Variants in ZNF248 observed in about 807,000 individuals in gnomAD.
ZNF248 encodes the protein KRAB protein domain.
Under a neutral mutation model 44.3 loss-of-function variants are expected in ZNF248, and 20 were observed. The ratio of observed to expected loss-of-function variants is 0.45; its 90% confidence interval spans 0.32 to 0.66. The LOEUF (loss-of-function observed/expected upper bound fraction) is 0.66, where lower values mean the gene tolerates loss of function less well. ZNF248 is among the 30% of genes least tolerant of loss of function. The pLI is 0.04. For missense variants in ZNF248, 654 were observed against 677.0 expected, an observed-to-expected ratio of 0.97 and a Z score of 0.38; for synonymous variants, 224 against 229.0, an observed-to-expected ratio of 0.98 and a Z score of 0.20.
At chr10:37,821,471 C>A (rs2053454465) in intron 6 of ZNF248, among the ~76,000 whole-genome samples, 1 of 152,168 alleles carries the variant, frequency 6.6e-6, no homozygotes, top group Non-Finnish European at 1.5e-5. Flanking sequence ...ACCCCTCAGT[C>A]CAGCTCTTAC....
chr10:37,779,777 G>C (rs1361045997), intron 6 of ZNF248, among the ~76,000 whole-genome samples: 1 of 149,472 alleles, frequency 6.7e-6, no homozygotes. Flanking sequence ...CATTGTCTCA[G>C]CCCAAAATCT....
chr10:37,833,141 T>C lies in ZNF248; in HGVS notation c.239-25A>G, dbSNP rs747362491. The C allele has an allele frequency of 2.6e-6, 4 of 1,556,050 alleles. No individual in the cohort carries two copies. In the Admixed American group the frequency reaches 6.1e-5, roughly 24 times the overall value. ...TCTAGAAATGAGAAAAATAACCACA[T>C]CTTATGAACCTTAATACATTTCTGA... On this transcript the variant is annotated intron_variant, in intron 5 of 5. Transcript: ENST00000395867.
chr10:37,778,048 C>T (rs2046807073), intron 6 of ZNF248, among the ~76,000 whole-genome samples: 1 of 152,084 alleles, frequency 6.6e-6, no homozygotes, highest in South Asian at 2.1e-4. Flanking sequence ...TGGGTATATA[C>T]CCAGTAATGG....
downstream of ZNF248, chr10:37,828,746 G>T: frequency 3.0e-6 from 3 of 985,302 alleles, no homozygotes; most frequent in Non-Finnish European, 3.6e-6. Flanking sequence ...ACAAGAAAGG[G>T]TGAATTAATC....
intron 6 of ZNF248, among the ~76,000 whole-genome samples, chr10:37,822,688 T>C (rs2053671166): frequency 6.6e-6 from 1 of 152,020 alleles, no homozygotes; most frequent in African/African-American, 2.4e-5. Context: ...TGGGCCACAA[T>C]GGAAGGAAGA....
chr10:37,771,134 G>A, the ZNF248 span, among the ~76,000 whole-genome samples: 1 of 152,224 alleles, frequency 6.6e-6, no homozygotes, highest in African/African-American at 2.4e-5. Flanking sequence ...AGGTGCTGGA[G>A]AAGATGTGGA....
At chr10:37,769,603 A>T in the ZNF248 span, among the ~76,000 whole-genome samples, 3 of 152,168 alleles carry the variant, frequency 2.0e-5, no homozygotes, top group African/African-American at 7.2e-5. Flanking sequence ...CAATAAATTA[A>T]GTATTGACGG....
intron 6 of ZNF248, among the ~76,000 whole-genome samples, chr10:37,789,390 A>T (rs2048251863): frequency 6.6e-6 from 1 of 152,156 alleles, no homozygotes; most frequent in Non-Finnish European, 1.5e-5. Context: ...TGTTAGGTGG[A>T]GAGGGCAAAC....
chr10:37,835,949 G>C (rs2057073317), intron 5 of ZNF248, among the ~76,000 whole-genome samples: 1 of 152,136 alleles, frequency 6.6e-6, no homozygotes, highest in Non-Finnish European at 1.5e-5. Flanking sequence ...CCAACTTCTG[G>C]TGTTCAAAAT....
chr10:37,805,843 A>G, intron 6 of ZNF248, among the ~76,000 whole-genome samples: 1 of 152,220 alleles, frequency 6.6e-6, no homozygotes, highest in East Asian at 1.9e-4. Context: ...ATATATAGAT[A>G]CACACACATA....
rs915483290 is a variant in ZNF248, at chr10:37,829,476, T to C, written c.*2139A>G. The C allele has an allele frequency of 1.6e-5, 16 of 985,214 alleles. No individual in the cohort carries two copies. The Admixed American group carries it at 3.1e-4, about 19-fold the overall frequency. The allele number at this position is 985,214 out of a possible 1,614,324, so 61.0% of individuals were successfully genotyped here. On this transcript the variant is annotated 3_prime_UTR_variant, in exon 6 of 6. Coordinates refer to ENST00000395867, the MANE Select transcript of ZNF248 (RefSeq NM_021045.3). ...ATAATTCTTCCCCCTAATTACCATATAGAACATTAACACTTAGAAAAATAT... is the reference window on the plus strand; with the variant it reads ...ATAATTCTTCCCCCTAATTACCATACAGAACATTAACACTTAGAAAAATAT...
chr10:37,774,108 C>T (rs1281196094), downstream of ZNF248, among the ~76,000 whole-genome samples: 2 of 152,032 alleles, frequency 1.3e-5, no homozygotes, highest in Admixed American at 1.3e-4. Flanking sequence ...AAAGTTTTTC[C>T]TCCATTCCAT....
downstream of ZNF248, among the ~76,000 whole-genome samples, chr10:37,772,037 C>G (rs2046265085): frequency 6.6e-6 from 1 of 152,140 alleles, no homozygotes; most frequent in South Asian, 2.1e-4. Flanking sequence ...GAGGCCAAGG[C>G]AGGCGGATCA....
chr10:37,790,359 C>G (rs1236238919), intron 6 of ZNF248, among the ~76,000 whole-genome samples: 1 of 151,454 alleles, frequency 6.6e-6, no homozygotes, highest in Non-Finnish European at 1.5e-5. Context: ...GCTGGAAAAT[C>G]GCTTGAGCCT....
At chr10:37,847,459 A>C (rs180708237) in intron 3 of ZNF248, among the ~76,000 whole-genome samples, 38 of 152,308 alleles carry the variant, frequency 2.5e-4, no homozygotes, top group Non-Finnish European at 4.9e-4. Context: ...TTAGCATGAT[A>C]ATTGTATTGT....
At chr10:37,820,822 A>C (rs914793509) in intron 6 of ZNF248, 8 of 1,174,686 alleles carry the variant, frequency 6.8e-6, no homozygotes, top group Non-Finnish European at 1.0e-5. Flanking sequence ...TGATTTTCCA[A>C]CTCTTGAATA....
At chr10:37,771,602 C>T (rs1441242122), downstream of ZNF248, among the ~76,000 whole-genome samples, 1 of 136,058 alleles carries the variant, frequency 7.3e-6, no homozygotes, top group African/African-American at 2.8e-5. Flanking sequence ...GGAAGGAGAA[C>T]ATCACACTCC....
At chr10:37,827,783 A>G (rs1208725), downstream of ZNF248, among the ~76,000 whole-genome samples, 9,118 of 152,284 alleles carry the variant, frequency 0.06, 355 homozygotes, top group Middle Eastern at 0.095. Flanking sequence ...TGAAGGCATC[A>G]AGGATACCCA....
intron 6 of ZNF248, among the ~76,000 whole-genome samples, chr10:37,822,379 T>A (rs942504776): frequency 3.3e-5 from 5 of 151,634 alleles, no homozygotes; most frequent in African/African-American, 1.2e-4. Flanking sequence ...GCAAAATACA[T>A]CAACTTGGAA....
Sources: gnomAD v4.1 joint callset for allele counts (sites outside exome capture counted in the v4.1 genomes callset) on GRCh38, gnomAD v4.1.1 for gene constraint, MANE v1.5 for transcripts, NCBI Gene and HGNC (gene_info 2026-07-23, HGNC 2026-07-21) for gene names.